The following ZC3H12B variants were observed in gnomAD, a reference collection of about 807,000 sequenced individuals.
ZC3H12B encodes the protein zinc finger CCCH-type containing 12B, also known as probable ribonuclease ZC3H12B.
ZC3H12B carries 7 observed loss-of-function variants against 43.9 expected under a neutral mutation model. The observed-to-expected ratio is 0.16, with a 90% CI of 0.09 to 0.30. ZC3H12B has a LOEUF of 0.30. Ranked by LOEUF, ZC3H12B falls within the 10% of genes least tolerant of loss-of-function variation. ZC3H12B has a pLI of 1.00. For missense variants in ZC3H12B, 475 were observed against 670.2 expected (o/e 0.71, Z 3.22); for synonymous variants, 222 against 241.7 (o/e 0.92, Z 0.76).
At chrX:65,490,547 A>C (rs996534465) in intron 1 of ZC3H12B, among the ~76,000 whole-genome samples, 11 of 111,437 alleles carry the variant, frequency 9.9e-5, no homozygotes, top group Admixed American at 6.7e-4. Flanking sequence ...GTGCTATTTT[A>C]AGTCACTACA....
the ZC3H12B span, among the ~76,000 whole-genome samples, chrX:65,308,266 AC>A: frequency 9.0e-6 from 1 of 110,555 alleles, no homozygotes; most frequent in Non-Finnish European, 1.9e-5. Context: ...GCAGAGACAC[AC>A]ATAGGCTCAA....
chrX:65,436,505 C>A (rs1234112300), intron 3 of ZC3H12B, among the ~76,000 whole-genome samples: 1 of 112,132 alleles, frequency 8.9e-6, no homozygotes, highest in Non-Finnish European at 1.9e-5. Flanking sequence ...AAATGCCGAC[C>A]TTTTTTGGAA....
At chrX:65,235,211 G>A in the ZC3H12B span, among the ~76,000 whole-genome samples, 1 of 111,408 alleles carries the variant, frequency 9.0e-6, no homozygotes, top group Non-Finnish European at 1.9e-5. Context: ...TATATACCCA[G>A]TAATGGGATT....
the ZC3H12B span, among the ~76,000 whole-genome samples, chrX:65,047,816 A>G: frequency 2.7e-5 from 3 of 110,569 alleles, no homozygotes; most frequent in African/African-American, 9.8e-5. Context: ...TTTTTTTTTA[A>G]AAGAAAAACT....
the ZC3H12B span, among the ~76,000 whole-genome samples, chrX:65,283,622 A>G: frequency 1.8e-5 from 2 of 112,258 alleles, no homozygotes; most frequent in Non-Finnish European, 3.8e-5. Context: ...CGACTTCAGC[A>G]AAGTCTCAGG....
the ZC3H12B span, among the ~76,000 whole-genome samples, chrX:65,230,098 C>A: frequency 9.0e-5 from 10 of 110,731 alleles, no homozygotes; most frequent in Non-Finnish European, 1.7e-4. Context: ...ATGTTTATTG[C>A]GGCACTATTC....
the ZC3H12B span, among the ~76,000 whole-genome samples, chrX:65,216,838 G>A: frequency 8.9e-6 from 1 of 112,090 alleles, no homozygotes; most frequent in Non-Finnish European, 1.9e-5. Context: ...GGTATTTCTA[G>A]ACCCACCCCA....
At chrX:65,462,533 A>C (rs1292308497) in intron 3 of ZC3H12B, among the ~76,000 whole-genome samples, 1 of 111,794 alleles carries the variant, frequency 8.9e-6, no homozygotes, top group Non-Finnish European at 1.9e-5. Flanking sequence ...AGAATAAAAA[A>C]CTTCATTAAT....
At chrX:65,418,937 G>GA (rs2066989418) in intron 3 of ZC3H12B, among the ~76,000 whole-genome samples, 2 of 111,787 alleles carry the variant, frequency 1.8e-5, no homozygotes, top group Middle Eastern at 4.6e-3. Context: ...GTGCAACATA[G>GA]AAAAAATTAC....
chrX:65,448,244 A>G (rs1001493949), intron 3 of ZC3H12B, among the ~76,000 whole-genome samples: 1 of 110,894 alleles, frequency 9.0e-6, no homozygotes, highest in Non-Finnish European at 1.9e-5. Context: ...CAAAAAAAAA[A>G]GATGTTGGCA....
chrX:65,214,019 C>G, the ZC3H12B span, among the ~76,000 whole-genome samples: 1 of 110,899 alleles, frequency 9.0e-6, no homozygotes, highest in Non-Finnish European at 1.9e-5. Flanking sequence ...ATGGTGTTCT[C>G]TTAGTGTGAA....
chrX:65,389,112 C>A (rs1029203943), intron 2 of ZC3H12B, among the ~76,000 whole-genome samples: 1 of 112,121 alleles, frequency 8.9e-6, no homozygotes, highest in South Asian at 3.7e-4. Context: ...GCAGTCTGTC[C>A]GTTCTCGGAT....
chrX:65,139,026 C>T, the ZC3H12B span, among the ~76,000 whole-genome samples: 1 of 112,033 alleles, frequency 8.9e-6, no homozygotes, highest in Non-Finnish European at 1.9e-5. Flanking sequence ...AATGTTTTAT[C>T]CCATTTCATA....
the ZC3H12B span, among the ~76,000 whole-genome samples, chrX:65,247,921 A>G: frequency 1.8e-5 from 2 of 112,355 alleles, no homozygotes; most frequent in East Asian, 5.5e-4. Flanking sequence ...ATTTTTGCCT[A>G]TTTGAAATTG....
chrX:65,124,770 T>C, the ZC3H12B span, among the ~76,000 whole-genome samples: 7 of 111,065 alleles, frequency 6.3e-5, no homozygotes, highest in Non-Finnish European at 1.1e-4. Flanking sequence ...AGTATTTGCA[T>C]GTAAAGGTGT....
At chrX:65,045,717 G>A in the ZC3H12B span, among the ~76,000 whole-genome samples, 3 of 111,945 alleles carry the variant, frequency 2.7e-5, no homozygotes, top group Non-Finnish European at 5.6e-5. Flanking sequence ...GTTCTTAATG[G>A]CATTTAGAAT....
chrX:65,410,426 C>A (rs2066891054), intron 3 of ZC3H12B, among the ~76,000 whole-genome samples: 1 of 111,611 alleles, frequency 9.0e-6, no homozygotes, highest in South Asian at 3.7e-4. Context: ...TGAACAATAT[C>A]CCTTAAGCAC....
the ZC3H12B span, among the ~76,000 whole-genome samples, chrX:65,200,141 C>T: frequency 9.0e-6 from 1 of 111,320 alleles, no homozygotes; most frequent in Admixed American, 9.6e-5. Context: ...TTTTAATAGC[C>T]ATTCTGACTG....
chrX:65,223,068 C>G, the ZC3H12B span, among the ~76,000 whole-genome samples: 1 of 111,575 alleles, frequency 9.0e-6, no homozygotes, highest in Non-Finnish European at 1.9e-5. Context: ...ATAGAGAACC[C>G]AGAAATAAAG....
Sources: gnomAD v4.1 joint callset for allele counts (sites outside exome capture counted in the v4.1 genomes callset) on GRCh38, gnomAD v4.1.1 for gene constraint, MANE v1.5 for transcripts, NCBI Gene and HGNC (gene_info 2026-07-23, HGNC 2026-07-21) for gene names.